LDLRAD4: variants seen among roughly 807,000 people sequenced by gnomAD.
LDLRAD4 encodes low-density lipoprotein receptor class A domain-containing protein 4.
LDLRAD4 carries 5 observed loss-of-function variants against 17.0 expected under a neutral mutation model. That is an observed-to-expected ratio of 0.29 (90% CI 0.15 to 0.62). The LOEUF (loss-of-function observed/expected upper bound fraction) is 0.62, where lower values mean the gene tolerates loss of function less well. Ranked by LOEUF, LDLRAD4 falls within the 20% of genes least tolerant of loss-of-function variation. LDLRAD4 has a pLI of 0.84. For missense variants in LDLRAD4, 340 were observed against 424.7 expected, an observed-to-expected ratio of 0.80 and a Z score of 1.75; for synonymous variants, 168 against 171.8, an observed-to-expected ratio of 0.98 and a Z score of 0.17.
Position 13,650,246 on chromosome 18 carries a change from T to TTGCTGCTGC in LDLRAD4, c.*4606_*4614dup, listed in dbSNP as rs3842394. 138 of 402,276 alleles carry TTGCTGCTGC rather than the reference T, an allele frequency of 3.4e-4. 3 individuals are homozygous for TTGCTGCTGC. In the East Asian group the frequency reaches 3.7e-3, roughly 11 times the overall value. The allele number at this position is 402,276 out of a possible 1,614,324, so 24.9% of individuals were successfully genotyped here. On this transcript the variant is annotated 3_prime_UTR_variant, in exon 6 of 6. Transcript: ENST00000359446. ...GTTACTGCCAGGGTCAGACAGTCAT[T>TTGCTGCTGC]TGCTGCTGCTGCTGCTGCTGCTGCT... is the stretch of plus-strand genomic sequence containing the variant.
At chr18:13,612,655 C>A (rs368803576) in intron 3 of LDLRAD4, 9 of 1,612,446 alleles carry the variant, frequency 5.6e-6, no homozygotes, top group Non-Finnish European at 6.8e-6. Context: ...ATGCTTTGAA[C>A]GTGGGGGGGC....
intron 3 of LDLRAD4, among the ~76,000 whole-genome samples, chr18:13,460,339 C>T (rs1029966668): frequency 1.3e-5 from 2 of 152,154 alleles, no homozygotes; most frequent in Admixed American, 1.3e-4. Context: ...ACTACAGGCA[C>T]ACGCCACCAT....
intron 1 of LDLRAD4, among the ~76,000 whole-genome samples, chr18:13,307,094 A>G (rs1198430284): frequency 1.3e-5 from 2 of 152,250 alleles, no homozygotes; most frequent in Non-Finnish European, 2.9e-5. Context: ...TGAAGTGGGC[A>G]CTGAAACTAA....
At chr18:13,305,618 G>A (rs9947965) in intron 1 of LDLRAD4, among the ~76,000 whole-genome samples, 18,893 of 152,202 alleles carry the variant, frequency 0.12, 1,274 homozygotes, top group South Asian at 0.19. Context: ...CCAAGAAGCA[G>A]AGAAAAGTCA....
intron 5 of LDLRAD4, 133 bp downstream of exon 6, chr18:13,643,545 T>C (rs2148996273): frequency 4.4e-6 from 2 of 459,186 alleles, no homozygotes; most frequent in East Asian, 7.1e-5. Flanking sequence ...GAGGAAGGCA[T>C]TGCCTAGAAC....
intron 2 of LDLRAD4, among the ~76,000 whole-genome samples, chr18:13,411,463 T>C (rs2088352168): frequency 6.6e-6 from 1 of 152,212 alleles, no homozygotes; most frequent in South Asian, 2.1e-4. Flanking sequence ...AATCTCATCT[T>C]GAATTGTAGT....
At chr18:13,286,517 G>A (rs2045630249) in intron 1 of LDLRAD4, among the ~76,000 whole-genome samples, 1 of 152,228 alleles carries the variant, frequency 6.6e-6, no homozygotes, top group Non-Finnish European at 1.5e-5. Context: ...GAATACAGGT[G>A]TGTGTCACCA....
chr18:13,308,839 C>A (rs1356444330), intron 1 of LDLRAD4, among the ~76,000 whole-genome samples: 1 of 152,170 alleles, frequency 6.6e-6, no homozygotes, highest in Non-Finnish European at 1.5e-5. Flanking sequence ...TTGCATTTGT[C>A]TTTTCACTTT....
intron 1 of LDLRAD4, among the ~76,000 whole-genome samples, chr18:13,224,394 T>A (rs1488767638): frequency 2.0e-5 from 3 of 151,672 alleles, no homozygotes; most frequent in Non-Finnish European, 4.4e-5. Flanking sequence ...GTGCTGGGAA[T>A]GCCCCCACCA....
chr18:13,612,548 C>G lies in LDLRAD4; in HGVS notation c.182-8569C>G, dbSNP rs566041186. On this transcript the variant is annotated intron_variant, in intron 3 of 5. Coordinates refer to ENST00000359446, the Ensembl canonical transcript of LDLRAD4. ...TGAACGAGGCAGACAGAAACACACC[C>G]CCCCCCCCTCCACGCTCACACACTC... The G allele has an allele frequency of 9.8e-5, 135 of 1,383,804 alleles. No homozygotes were observed. In the East Asian group the frequency reaches 3.0e-3, roughly 31 times the overall value. The allele number at this position is 1,383,804 out of a possible 1,614,324, so 85.7% of individuals were successfully genotyped here. A position where few individuals can be genotyped will look rare whatever the true frequency, so the allele number is the denominator to read the frequency against.
exon 6 of LDLRAD4, chr18:13,650,435 G>T: frequency 2.5e-6 from 1 of 398,378 alleles, no homozygotes; most frequent in Non-Finnish European, 4.4e-6. Context: ...CACTATCCGT[G>T]CACATTATAT....
intron 3 of LDLRAD4, chr18:13,515,325 A>G (rs1395404923): frequency 1.3e-5 from 2 of 152,242 alleles, no homozygotes; most frequent in African/African-American, 4.8e-5. Flanking sequence ...TTGCTTTTTG[A>G]AAAGCTTCCA....
intron 1 of LDLRAD4, among the ~76,000 whole-genome samples, chr18:13,223,360 C>T (rs1467355650): frequency 1.3e-5 from 2 of 152,210 alleles, no homozygotes; most frequent in African/African-American, 4.8e-5. Flanking sequence ...CCAGGTGTCG[C>T]GAGGACCCTC....
intron 3 of LDLRAD4, among the ~76,000 whole-genome samples, chr18:13,571,279 T>G (rs1233785667): frequency 6.6e-6 from 1 of 152,232 alleles, no homozygotes; most frequent in African/African-American, 2.4e-5. Context: ...ACTCAGCCAC[T>G]GTGGTCAGAA....
intron 3 of LDLRAD4, among the ~76,000 whole-genome samples, chr18:13,553,746 C>A (rs534022751): frequency 6.6e-6 from 1 of 152,182 alleles, no homozygotes; most frequent in South Asian, 2.1e-4. Flanking sequence ...TGGAAACATT[C>A]GCCTTGCCCT....
At chr18:13,456,217 G>A (rs1266034186) in intron 3 of LDLRAD4, among the ~76,000 whole-genome samples, 2 of 152,192 alleles carry the variant, frequency 1.3e-5, no homozygotes, top group South Asian at 2.1e-4. Flanking sequence ...GCTGTGGTGG[G>A]GAACGAGGAG....
chr18:13,537,084 CTCTT>C (rs1243071765), intron 3 of LDLRAD4, among the ~76,000 whole-genome samples: 1 of 152,122 alleles, frequency 6.6e-6, no homozygotes, highest in Non-Finnish European at 1.5e-5. Context: ...CTGTTGTCTT[CTCTT>C]TCTTATGATA....
chr18:13,644,523 G>A (rs1285735293), intron 5 of LDLRAD4, among the ~76,000 whole-genome samples: 1 of 150,714 alleles, frequency 6.6e-6, no homozygotes, highest in Admixed American at 6.6e-5. Context: ...AGCCAAGATG[G>A]CGCCACTGCA....
At chr18:13,521,184 C>G (rs1256494810) in intron 3 of LDLRAD4, 2 of 152,212 alleles carry the variant, frequency 1.3e-5, no homozygotes, top group African/African-American at 4.8e-5. Flanking sequence ...GCTGACCCAA[C>G]CGACTCTTGA....
Sources: gnomAD v4.1 joint callset for allele counts (sites outside exome capture counted in the v4.1 genomes callset) on GRCh38, gnomAD v4.1.1 for gene constraint, MANE v1.5 for transcripts, NCBI Gene and HGNC (gene_info 2026-07-23, HGNC 2026-07-21) for gene names.